Variants in CFHR1 observed in about 807,000 individuals in gnomAD.
CFHR1 encodes complement factor H related 1, also known as complement factor H-related protein 1.
A neutral mutation model predicts 30.4 loss-of-function variants in CFHR1; 22 were observed. The ratio of observed to expected loss-of-function variants is 0.72; its 90% CI spans 0.52 to 1.03. CFHR1 has a LOEUF of 1.03. CFHR1 is among the 50% of genes least tolerant of loss of function. The pLI is 0.00. For missense variants in CFHR1, 248 were observed against 380.6 expected, an observed-to-expected ratio of 0.65 and a Z score of 2.90; for synonymous variants, 95 against 129.1, an observed-to-expected ratio of 0.74 and a Z score of 1.79.
Position 196,825,464 on chromosome 1 carries a change from G to A in CFHR1, c.59-13G>A. The A allele has an allele frequency of 7.0e-7, 1 of 1,427,548 alleles. No individual in the cohort carries two copies. The highest frequency in any genetic ancestry group is 9.6e-7 in the Non-Finnish European group (1 of 1,046,114). 88.4% of individuals were successfully genotyped at this position (1,427,548 alleles called of 1,614,324 possible). A position where few individuals can be genotyped will look rare whatever the true frequency, so the allele number is the denominator to read the frequency against. Reference sequence around the variant, plus strand: ...TTATTATGTAATTCTTCAGTTTTATGTTATTTTCCCAGCAACATTTTGTGA... The same window carrying A: ...TTATTATGTAATTCTTCAGTTTTATATTATTTTCCCAGCAACATTTTGTGA... On this transcript the variant is annotated splice_polypyrimidine_tract_variant and intron_variant, in intron 1 of 5. Coordinates refer to ENST00000320493, the MANE Select transcript of CFHR1 (RefSeq NM_002113.3).
chr1:196,826,161 G>A (rs408442), intron 2 of CFHR1: 64,670 of 137,478 alleles, frequency 0.47, 21,410 homozygotes, highest in African/African-American at 0.59. Context: ...GATAACAGGT[G>A]TATTAAAAGA....
At position 196,830,161 on chromosome 1, in the gene CFHR1, T is replaced by C. The variant is rs571809791; in HGVS notation, c.608-339T>C. Among the ~76,000 whole-genome samples the C allele has an allele frequency of 1.5e-5, 2 of 135,498 alleles. 1 individual carries two copies. The highest frequency in any genetic ancestry group is 3.1e-5 in the Non-Finnish European group (2 of 64,374). The allele number at this position is 135,498 out of a possible 152,430, so 88.9% of individuals were successfully genotyped here. A position where few individuals can be genotyped will look rare whatever the true frequency, so the allele number is the denominator to read the frequency against. Reference sequence around the variant, plus strand: ...AATTTCAAAACCCGTGTCCTCTTAGTGTTACTCCAAAGAATGTTGAATATG... The same window carrying C: ...AATTTCAAAACCCGTGTCCTCTTAGCGTTACTCCAAAGAATGTTGAATATG... On this transcript the variant is annotated intron_variant, in intron 4 of 5. Transcript: ENST00000320493.
In CFHR1 at chr1:196,823,095, ATATATATGTG is replaced by A. The variant is rs1454274332; in HGVS notation, c.59-2380_59-2371del. ...TAACTGTACGACTGTATATATATAT[ATATATATGTG>A]TGTGTGTGTGTGTGTGTGTGTGTGT... On this transcript the variant is annotated intron_variant, in intron 1 of 5. Transcript: ENST00000320493. Among the ~76,000 whole-genome samples the A allele has an allele frequency of 1.5e-4, 7 of 46,938 alleles. 2 individuals are homozygous for A. Among genetic ancestry groups the A allele is most frequent in the African/African-American group, 8.4e-4 (7 of 8,318 alleles). 30.8% of individuals were successfully genotyped at this position (46,938 alleles called of 152,430 possible).
At chr1:196,822,244 G>T (rs1363211999) in intron 1 of CFHR1, among the ~76,000 whole-genome samples, 1 of 115,052 alleles carries the variant, frequency 8.7e-6, no homozygotes, top group African/African-American at 4.2e-5. Context: ...GAATAGTTTT[G>T]GGGGAGCAGG....
At position 196,829,872 on chromosome 1, in the gene CFHR1, A is replaced by G. The variant is rs865980286; in HGVS notation, c.608-628A>G. ...GAAGTTTTCAGGTATCCTTTTATTT[A>G]TTCATTTTTCCAGCCCAATATCCTT... On this transcript the variant is annotated intron_variant, in intron 4 of 5. Transcript: ENST00000320493. 3.0e-5 allele frequency among the ~76,000 whole-genome samples: 4 copies of G among 134,346 alleles called. 1 individual carries two copies. The highest frequency in any genetic ancestry group is 3.2e-5 in the African/African-American group (1 of 31,328). The allele number at this position is 134,346 out of a possible 152,430, so 88.1% of individuals were successfully genotyped here. A position where few individuals can be genotyped will look rare whatever the true frequency, so the allele number is the denominator to read the frequency against.
rs1296509940 is a variant in CFHR1, at chr1:196,832,097, G to A, written c.*98G>A. ...TTGTTTTACTCCTTTTTATTCATAC[G>A]TAAAATTTTGGATTAATTTGTGAAA... On this transcript the variant is annotated 3_prime_UTR_variant, in exon 6 of 6. Transcript: ENST00000320493. 37 of 1,176,848 alleles carry A rather than the reference G, an allele frequency of 3.1e-5. 4 individuals carry two copies. The Admixed American group carries it at 3.5e-4, about 11-fold the overall frequency. The allele number at this position is 1,176,848 out of a possible 1,614,324, so 72.9% of individuals were successfully genotyped here. A position where few individuals can be genotyped will look rare whatever the true frequency, so the allele number is the denominator to read the frequency against.
rs41300845 is a variant in CFHR1 at position 196,825,477 on chromosome 1, C to A, written c.59C>A (p.Ala20Glu). 2.6e-5 allele frequency: 38 copies of A among 1,471,080 alleles called. 6 individuals are homozygous for A. The South Asian group carries it at 4.5e-4, about 17-fold the overall frequency. The allele number at this position is 1,471,080 out of a possible 1,614,324, so 91.1% of individuals were successfully genotyped here. The change falls in exon 2 of 6, where the codon GCA becomes GAA. Residue 20 changes from alanine to glutamate, a missense_variant and splice_region_variant. Around this residue, in one of 3 missense-constraint regions of CFHR1, gnomAD observed 121 missense variants for 162.6 expected, o/e 0.74. Coordinates refer to ENST00000320493, the MANE Select transcript of CFHR1 (RefSeq NM_002113.3). ...ISRISSVGGE[A>E]TFCDFPKINH... ...CTTCAGTTTTATGTTATTTTCCCAG[C>A]AACATTTTGTGATTTTCCAAAAATA...
Position 196,822,050 on chromosome 1 carries a change from A to C in CFHR1, c.58+2148A>C. On this transcript the variant is annotated intron_variant, in intron 1 of 5. Coordinates refer to ENST00000320493, the MANE Select transcript of CFHR1 (RefSeq NM_002113.3). ...AAAAATACAGTATAAAATATTAAAA[A>C]CGGCAGACTTGTATAGGGCTTTTAC... is the stretch of plus-strand genomic sequence containing the variant. 1.5e-5 allele frequency among the ~76,000 whole-genome samples: 2 copies of C among 131,768 alleles called. 1 individual carries two copies. Among genetic ancestry groups the C allele is most frequent in the African/African-American group, 6.7e-5 (2 of 30,000 alleles). The allele number at this position is 131,768 out of a possible 152,430, so 86.4% of individuals were successfully genotyped here.
At position 196,823,446 on chromosome 1, in the gene CFHR1, T is replaced by G. The variant is rs1434082939; in HGVS notation, c.59-2031T>G. ...TGAAGGATAATTGAAAGAGTTATGG[T>G]AGGTTAATACTATCAAGACGGGAGT... On this transcript the variant is annotated intron_variant, in intron 1 of 5. Coordinates refer to ENST00000320493, the MANE Select transcript of CFHR1 (RefSeq NM_002113.3). Among the ~76,000 whole-genome samples, 2 of 135,064 alleles carry G rather than the reference T, an allele frequency of 1.5e-5. 1 individual carries two copies. Among genetic ancestry groups the G allele is most frequent in the African/African-American group, 6.3e-5 (2 of 31,572 alleles). The allele number at this position is 135,064 out of a possible 152,430, so 88.6% of individuals were successfully genotyped here. A position where few individuals can be genotyped will look rare whatever the true frequency, so the allele number is the denominator to read the frequency against.
intron 5 of CFHR1, 36 bp from the exon 6 acceptor site, chr1:196,831,761 A>G (rs1213761894): frequency 6.7e-7 from 1 of 1,484,360 alleles, no homozygotes; most frequent in Non-Finnish European, 9.1e-7. Flanking sequence ...TTTGCATACT[A>G]CTTAATGTTT....
intron 4 of CFHR1, among the ~76,000 whole-genome samples, chr1:196,828,447 TAA>T (rs1558215126): frequency 7.4e-6 from 1 of 134,298 alleles, no homozygotes; most frequent in East Asian, 2.0e-4. Context: ...TCGACCAAAT[TAA>T]AAGAGTTGGA....
intron 3 of CFHR1, among the ~76,000 whole-genome samples, chr1:196,827,369 C>A (rs1655369826): frequency 7.4e-6 from 1 of 135,522 alleles, no homozygotes; most frequent in Admixed American, 7.1e-5. Flanking sequence ...GTGTGAGAAG[C>A]ATTGCTATAG....
chr1:196,826,862 A>G lies in CFHR1; in HGVS notation c.287A>G (p.His96Arg), dbSNP rs1335153955. ...LCFFPFVENG[H>R]SESSGQTHLE... ...TTCTTTCCTTTTGTGGAAAATGGTC[A>G]TTCTGAATCTTCAGGACAAACACAT... Residue 96 changes from histidine (H) to arginine (R), a missense_variant, in exon 3 of 6, where the codon CAT (histidine) becomes CGT (arginine). Coordinates refer to ENST00000320493, the MANE Select transcript of CFHR1 (RefSeq NM_002113.3). 19 of 1,524,924 alleles carry G rather than the reference A, an allele frequency of 1.2e-5. 2 individuals are homozygous for G. In the East Asian group the frequency reaches 4.0e-4, roughly 32 times the overall value. 94.5% of individuals were successfully genotyped at this position (1,524,924 alleles called of 1,614,324 possible).
chr1:196,828,356 A>G (rs945186064), intron 4 of CFHR1, 110 bp downstream of exon 4: 1 of 843,636 alleles, frequency 1.2e-6, no homozygotes, highest in Non-Finnish European at 1.7e-6. Flanking sequence ...AAATGCAAAT[A>G]AAATGATTGA....
intron 2 of CFHR1, 84 bp from the exon 3 acceptor site, chr1:196,826,745 C>A (rs1655338405): frequency 3.1e-6 from 4 of 1,269,878 alleles, no homozygotes; most frequent in African/African-American, 1.9e-5. Flanking sequence ...CCACTTCACC[C>A]GGTTTATTAA....
At chr1:196,825,426 T>G in intron 1 of CFHR1, 51 bp from the exon 2 acceptor site, 1 of 1,222,004 alleles carries the variant, frequency 8.2e-7, no homozygotes, top group South Asian at 1.5e-5. Flanking sequence ...ATCTAGTGAT[T>G]TATTTATGTA....
chr1:196,832,088 T>C lies in CFHR1; in HGVS notation c.*89T>C. 1.6e-6 allele frequency: 2 copies of C among 1,234,932 alleles called. No homozygotes were observed. The highest frequency in any genetic ancestry group is 2.2e-6 in the Non-Finnish European group (2 of 890,078). 76.5% of individuals were successfully genotyped at this position (1,234,932 alleles called of 1,614,324 possible). A position where few individuals can be genotyped will look rare whatever the true frequency, so the allele number is the denominator to read the frequency against. ...TTTTAAGTATTGTTTTACTCCTTTT[T>C]ATTCATACGTAAAATTTTGGATTAA... On this transcript the variant is annotated 3_prime_UTR_variant, in exon 6 of 6. Coordinates refer to ENST00000320493, the MANE Select transcript of CFHR1 (RefSeq NM_002113.3).
chr1:196,829,672 T>C lies in CFHR1; in HGVS notation c.608-828T>C, dbSNP rs1487461219. 3.7e-5 allele frequency among the ~76,000 whole-genome samples: 5 copies of C among 135,370 alleles called. 1 individual carries two copies. The highest frequency in any genetic ancestry group is 1.3e-4 in the African/African-American group (4 of 31,744). The allele number at this position is 135,370 out of a possible 152,430, so 88.8% of individuals were successfully genotyped here. On this transcript the variant is annotated intron_variant, in intron 4 of 5. Transcript: ENST00000320493. ...GATGAAAAACTTACCATCATTTGAATTGTTGATCCCCTCAAGGAAAAGCAT... is the reference window on the plus strand; with the variant it reads ...GATGAAAAACTTACCATCATTTGAACTGTTGATCCCCTCAAGGAAAAGCAT...
intron 1 of CFHR1, among the ~76,000 whole-genome samples, chr1:196,824,748 G>A (rs1184028212): frequency 5.5e-5 from 3 of 54,998 alleles, no homozygotes; most frequent in African/African-American, 3.2e-4. Flanking sequence ...GGGGCTGACT[G>A]TATATATATA....
Sources: gnomAD v4.1 joint callset for allele counts (sites outside exome capture counted in the v4.1 genomes callset) on GRCh38, gnomAD v4.1.1 for gene constraint, gnomAD v4.1.1 regional missense constraint, MANE v1.5 for transcripts, NCBI Gene and HGNC (gene_info 2026-07-23, HGNC 2026-07-21) for gene names.